Variants in ATRNL1 observed in about 807,000 individuals in gnomAD.
ATRNL1 encodes the protein attractin like 1, also known as attractin-like protein 1.
In ATRNL1, 95 loss-of-function variants were observed where a neutral mutation model predicts 182.7. The ratio of observed to expected loss-of-function variants is 0.52; its 90% confidence interval spans 0.44 to 0.62. The LOEUF is 0.62. Ranked by LOEUF, ATRNL1 falls within the 20% of genes least tolerant of loss-of-function variation. The pLI, the probability that ATRNL1 is intolerant of heterozygous loss-of-function variation, is 0.00. For missense variants in ATRNL1, 1,471 were observed against 1,679.5 expected, an observed-to-expected ratio of 0.88 and a Z score of 2.17; for synonymous variants, 576 against 568.3, an observed-to-expected ratio of 1.01 and a Z score of -0.19.
intron 8 of ATRNL1, among the ~76,000 whole-genome samples, chr10:115,175,871 A>G (rs977824710): frequency 6.6e-6 from 1 of 152,028 alleles, no homozygotes; most frequent in Non-Finnish European, 1.5e-5. Flanking sequence ...TGTCAGAATA[A>G]TTAAATTCAC....
At chr10:115,599,631 C>G (rs1298144148) in intron 26 of ATRNL1, among the ~76,000 whole-genome samples, 1 of 152,068 alleles carries the variant, frequency 6.6e-6, no homozygotes, top group African/African-American at 2.4e-5. Flanking sequence ...AGCAGTTTTA[C>G]CTATCATTGC....
intron 21 of ATRNL1, among the ~76,000 whole-genome samples, chr10:115,441,861 G>A (rs1261802851): frequency 6.6e-6 from 1 of 151,740 alleles, no homozygotes; most frequent in East Asian, 1.9e-4. Context: ...CCCCCTCTCT[G>A]ATACCTTTCC....
chr10:115,798,823 CTTTTTTCT>C (rs1205478364), intron 27 of ATRNL1, among the ~76,000 whole-genome samples: 16 of 122,070 alleles, frequency 1.3e-4, no homozygotes, highest in African/African-American at 3.8e-4. Flanking sequence ...TCTTTTTTTT[CTTTTTTCT>C]TTTTTTTTTT....
chr10:115,730,545 A>G (rs1271160957), intron 27 of ATRNL1, among the ~76,000 whole-genome samples: 2 of 151,808 alleles, frequency 1.3e-5, no homozygotes, highest in African/African-American at 4.8e-5. Context: ...ATGTGTCCAT[A>G]TGTGTGTGTA....
intron 28 of ATRNL1, among the ~76,000 whole-genome samples, chr10:115,930,257 G>T (rs930435224): frequency 3.0e-4 from 45 of 152,128 alleles, no homozygotes; most frequent in African/African-American, 1.1e-3. Flanking sequence ...AGATTTATTT[G>T]GTTTTTTTCC....
intron 26 of ATRNL1, among the ~76,000 whole-genome samples, chr10:115,563,984 G>T (rs1853921152): frequency 6.6e-6 from 1 of 152,032 alleles, no homozygotes; most frequent in South Asian, 2.1e-4. Context: ...TCATGTCCAA[G>T]AATCACATCT....
intron 26 of ATRNL1, among the ~76,000 whole-genome samples, chr10:115,702,220 C>T (rs1946759705): frequency 6.6e-6 from 1 of 151,886 alleles, no homozygotes; most frequent in African/African-American, 2.4e-5. Context: ...ATCCAACATC[C>T]CTTCATGATA....
Position 115,906,304 on chromosome 10 carries a change from G to A in ATRNL1, c.4019-38354G>A, listed in dbSNP as rs1418089227. 2.0e-5 allele frequency among the ~76,000 whole-genome samples: 3 copies of A among 152,296 alleles called. No individual in the cohort carries two copies. The East Asian group carries it at 5.8e-4, about 29-fold the overall frequency. On this transcript the variant is annotated intron_variant, in intron 28 of 28. Transcript: ENST00000355044. ...GCTTGGCGAAAGTAAAATTGGCTTT[G>A]AGGGTGAGAATTTGATCTGGATTCA...
chr10:115,397,758 C>T (rs1421051269), intron 20 of ATRNL1, among the ~76,000 whole-genome samples: 12 of 151,912 alleles, frequency 7.9e-5, no homozygotes, highest in African/African-American at 2.2e-4. Flanking sequence ...ATAGCATTTC[C>T]GGTCTTTGCT....
chr10:115,241,803 A>G (rs1850434918), intron 10 of ATRNL1, 78 bp downstream of exon 10: 1 of 1,238,486 alleles, frequency 8.1e-7, no homozygotes, highest in Non-Finnish European at 1.1e-6. Flanking sequence ...ACATTAATTG[A>G]TAGCATGTGT....
At chr10:115,389,540 GTATATATA>G (rs58155967) in intron 19 of ATRNL1, among the ~76,000 whole-genome samples, 5,708 of 43,976 alleles carry the variant, frequency 0.13, 568 homozygotes, top group Middle Eastern at 0.17. Flanking sequence ...ATGTGTATGT[GTATATATA>G]TATATATATA....
At chr10:115,127,055 A>C (rs1286043032) in intron 3 of ATRNL1, among the ~76,000 whole-genome samples, 1 of 152,206 alleles carries the variant, frequency 6.6e-6, no homozygotes, top group African/African-American at 2.4e-5. Context: ...AAAACATTAA[A>C]GTCTATATAG....
chr10:115,399,306 T>G (rs879955899), intron 20 of ATRNL1, among the ~76,000 whole-genome samples: 9 of 152,062 alleles, frequency 5.9e-5, no homozygotes, highest in Non-Finnish European at 8.8e-5. Context: ...CATCATGTCC[T>G]GGGTTTCTTT....
chr10:115,456,749 A>G (rs1847544298), intron 21 of ATRNL1, among the ~76,000 whole-genome samples: 1 of 152,146 alleles, frequency 6.6e-6, no homozygotes, highest in Non-Finnish European at 1.5e-5. Context: ...ACTCTAATAC[A>G]GTATCAACTA....
intron 27 of ATRNL1, among the ~76,000 whole-genome samples, chr10:115,764,738 T>A (rs1231763119): frequency 6.6e-6 from 1 of 152,152 alleles, no homozygotes; most frequent in Non-Finnish European, 1.5e-5. Context: ...AATGGTGCAA[T>A]CTTGGCTCAC....
rs553957273 is a variant in ATRNL1, at chr10:115,603,951, TA to T, written c.3795+54421del. ...TCTAGGTGGACCTCTTGGAGGCCCT[TA>T]AAAAATGTCTTTTCTTTTTCATCTT... On this transcript the variant is annotated intron_variant, in intron 26 of 28. Coordinates refer to ENST00000355044, the MANE Select transcript of ATRNL1 (RefSeq NM_207303.4). 8.3e-3 allele frequency among the ~76,000 whole-genome samples: 1,260 copies of T among 152,256 alleles called. 16 individuals carry two copies. Among genetic ancestry groups the T allele is most frequent in the Non-Finnish European group, 0.012 (840 of 67,998 alleles).
chr10:115,267,746 G>T lies in ATRNL1; in HGVS notation c.1982-580G>T, dbSNP rs902453724. Reference sequence around the variant, plus strand: ...TCAGTAAAATATATGTAAATCCTTTGACTTTCTCTAAAATACGTAAATTTA... The same window carrying T: ...TCAGTAAAATATATGTAAATCCTTTTACTTTCTCTAAAATACGTAAATTTA... On this transcript the variant is annotated intron_variant, in intron 12 of 28. Transcript: ENST00000355044. Among the ~76,000 whole-genome samples the T allele has an allele frequency of 2.0e-5, 3 of 152,020 alleles. No individual in the cohort carries two copies. In the South Asian group the frequency reaches 6.2e-4, roughly 32 times the overall value.
chr10:115,537,346 T>C (rs1217915441), intron 25 of ATRNL1, among the ~76,000 whole-genome samples: 2 of 152,178 alleles, frequency 1.3e-5, no homozygotes, highest in Non-Finnish European at 2.9e-5. Context: ...TAACATGCTT[T>C]AAATTGAATT....
chr10:115,562,279 C>T (rs76328797), intron 26 of ATRNL1, among the ~76,000 whole-genome samples: 218 of 152,160 alleles, frequency 1.4e-3, no homozygotes, highest in African/African-American at 4.8e-3. Context: ...AGTAAATTCA[C>T]GGTTGCCTTG....
Sources: gnomAD v4.1 joint callset for allele counts (sites outside exome capture counted in the v4.1 genomes callset) on GRCh38, gnomAD v4.1.1 for gene constraint, MANE v1.5 for transcripts, NCBI Gene and HGNC (gene_info 2026-07-23, HGNC 2026-07-21) for gene names.